Variants in AFF4 observed in about 807,000 individuals in gnomAD.
AFF4 encodes AF4/FMR2 family member 4.
AFF4 carries 13 observed loss-of-function variants against 124.8 expected under a neutral mutation model. The ratio of observed to expected loss-of-function variants is 0.10; its 90% CI spans 0.07 to 0.17. The LOEUF is 0.17. Ranked by LOEUF, AFF4 falls within the 10% of genes least tolerant of loss-of-function variation. The probability of loss-of-function intolerance (pLI) is 1.00; values close to 1 mark genes in which losing one functional copy is unlikely to be tolerated. For missense variants in AFF4, 1,092 were observed against 1,403.8 expected, an observed-to-expected ratio of 0.78 and a Z score of 3.55; for synonymous variants, 477 against 496.1, an observed-to-expected ratio of 0.96 and a Z score of 0.51.
intron 5 of AFF4, among the ~76,000 whole-genome samples, chr5:132,907,072 T>C (rs142068629): frequency 6.6e-6 from 1 of 152,214 alleles, no homozygotes; most frequent in African/African-American, 2.4e-5. Flanking sequence ...TTGTCTTATA[T>C]CTGACAATAG....
Position 132,887,547 on chromosome 5 carries a change from A to G in AFF4, c.2979T>C (p.Ala993=), listed in dbSNP as rs998984215. The change falls in exon 17 of 21, where the codon GCT becomes GCC. Residue 993 remains alanine, a synonymous_variant. Transcript: ENST00000265343. ...AAAGTACTGTGAGTCGTTTATCTGC[A>G]GCTGTAGCATCTGGTGCCAAGTAAT... ...LKNYLAPDAT[A]ADKRLTVLCL... The G allele has an allele frequency of 4.3e-6, 7 of 1,614,068 alleles. No individual in the cohort carries two copies. Among genetic ancestry groups the G allele is most frequent in the Non-Finnish European group, 5.9e-6 (7 of 1,179,948 alleles).
At chr5:132,958,514 T>C (rs1388405351) in intron 1 of AFF4, among the ~76,000 whole-genome samples, 1 of 146,698 alleles carries the variant, frequency 6.8e-6, no homozygotes, top group Non-Finnish European at 1.5e-5. Context: ...ATGCAGAGAT[T>C]GAAAGGAAGT....
In AFF4 at chr5:132,934,536, GTGATTTGGAGTGTTC is replaced by G. The variant is rs761354943; in HGVS notation, c.514_528del (p.Glu172_Ser176del). On this transcript the variant is annotated inframe_deletion, in exon 3 of 21. Coordinates refer to ENST00000265343, the MANE Select transcript of AFF4 (RefSeq NM_014423.4). ...TGGGGTTTTCCAGGGCTGGAAGAAC[GTGATTTGGAGTGTTC>G]TGATCCATGCTGGCCTTTTTTCCGG... 2 of 1,614,126 alleles carry G rather than the reference GTGATTTGGAGTGTTC, an allele frequency of 1.2e-6. No homozygotes were observed. The highest frequency in any genetic ancestry group is 1.7e-6 in the Non-Finnish European group (2 of 1,180,030).
chr5:132,919,545 A>T (rs1272892299), intron 5 of AFF4, among the ~76,000 whole-genome samples: 1 of 152,262 alleles, frequency 6.6e-6, no homozygotes, highest in East Asian at 1.9e-4. Flanking sequence ...TGTAAAACCT[A>T]AAACTATAAA....
At chr5:132,893,744 C>G (rs1036857249) in intron 11 of AFF4, among the ~76,000 whole-genome samples, 6 of 152,168 alleles carry the variant, frequency 3.9e-5, no homozygotes, top group African/African-American at 1.2e-4. Flanking sequence ...TCCCAAAGTG[C>G]TGGGATTACA....
intron 2 of AFF4, among the ~76,000 whole-genome samples, chr5:132,936,263 T>G: frequency 1.8e-5 from 1 of 56,874 alleles, no homozygotes; most frequent in Non-Finnish European, 3.0e-5. Flanking sequence ...CAAGACTCCG[T>G]CTCAAAAAAA....
chr5:132,937,161 C>G lies in AFF4; in HGVS notation c.29G>C (p.Arg10Pro). MNREDRNVL[R>P]MKERERRNQE... ...ATTCCGCCTTTCCCGTTCTTTCATACGCAGCACATTCCGGTCTTCACGGTT... is the reference window on the plus strand; with the variant it reads ...ATTCCGCCTTTCCCGTTCTTTCATAGGCAGCACATTCCGGTCTTCACGGTT... The change falls in exon 2 of 21, where the codon CGT becomes CCT. Residue 10 changes from arginine (R) to proline (P), a missense_variant. This residue lies in a region of AFF4 where 46 missense variants were observed against 49.0 expected (regional missense o/e 0.94). Coordinates refer to ENST00000265343, the MANE Select transcript of AFF4 (RefSeq NM_014423.4). 1 of 1,613,864 alleles carries G rather than the reference C, an allele frequency of 6.2e-7. No individual in the cohort carries two copies. The highest frequency in any genetic ancestry group is 1.7e-5 in the Admixed American group (1 of 60,016).
intron 5 of AFF4, among the ~76,000 whole-genome samples, chr5:132,912,843 GACAC>G (rs1268738346): frequency 2.1e-5 from 3 of 144,970 alleles, no homozygotes; most frequent in African/African-American, 7.9e-5. Flanking sequence ...GATAGAGGCT[GACAC>G]ACACACAACA....
chr5:132,960,998 T>A (rs963935256), intron 1 of AFF4, among the ~76,000 whole-genome samples: 2 of 152,024 alleles, frequency 1.3e-5, no homozygotes, highest in Non-Finnish European at 2.9e-5. Flanking sequence ...CCGAGGCGTG[T>A]GGATCACGAG....
chr5:132,937,027 A>T, intron 2 of AFF4, 40 bp downstream of exon 2: 1 of 1,571,668 alleles, frequency 6.4e-7, no homozygotes. Context: ...CAAAAATGTC[A>T]TGCTAATGGG....
At chr5:132,948,163 G>A (rs1472765372) in intron 1 of AFF4, among the ~76,000 whole-genome samples, 1 of 151,924 alleles carries the variant, frequency 6.6e-6, no homozygotes, top group Non-Finnish European at 1.5e-5. Context: ...CAATTCTCGT[G>A]CCTCAGCCTC....
chr5:132,892,473 T>C, intron 12 of AFF4, 69 bp from the exon 13 acceptor site: 1 of 1,526,058 alleles, frequency 6.6e-7, no homozygotes, highest in South Asian at 1.3e-5. Flanking sequence ...TTTCCATTTC[T>C]CTTTGTCTGC....
intron 5 of AFF4, among the ~76,000 whole-genome samples, chr5:132,906,012 T>C (rs1482356242): frequency 6.6e-6 from 1 of 152,120 alleles, no homozygotes; most frequent in Non-Finnish European, 1.5e-5. Flanking sequence ...AAATGGCCAA[T>C]AAGCAGATGA....
At chr5:132,893,222 A>G in intron 11 of AFF4, 104 bp from the exon 12 acceptor site, 1 of 911,838 alleles carries the variant, frequency 1.1e-6, no homozygotes. Flanking sequence ...CATCAGAAAG[A>G]AGATAAAAGA....
chr5:132,954,165 A>C (rs1369806944), intron 1 of AFF4, among the ~76,000 whole-genome samples: 2 of 152,138 alleles, frequency 1.3e-5, no homozygotes, highest in African/African-American at 2.4e-5. Context: ...CACAGACGAC[A>C]ATTTTTCCAT....
At chr5:132,934,988 G>A (rs769120223) in intron 2 of AFF4, 47 bp from the exon 3 acceptor site, 4 of 1,392,780 alleles carry the variant, frequency 2.9e-6, no homozygotes, top group Middle Eastern at 2.6e-4. Context: ...AGCATAATCA[G>A]AAATAAAATA....
chr5:132,883,735 A>C lies in AFF4; in HGVS notation c.3144-175T>G, dbSNP rs571775248. ...TAAGTACTATAATCTTGTAATTCAT[A>C]ATCTTGTTATCTTAGAATCTGTAGC... On this transcript the variant is annotated intron_variant, in intron 19 of 20. Transcript: ENST00000265343. 5.9e-5 allele frequency among the ~76,000 whole-genome samples: 9 copies of C among 152,350 alleles called. No individual in the cohort carries two copies. The East Asian group carries it at 1.5e-3, about 26-fold the overall frequency.
At chr5:132,954,518 C>T (rs1761909909) in intron 1 of AFF4, among the ~76,000 whole-genome samples, 3 of 151,248 alleles carry the variant, frequency 2.0e-5, no homozygotes, top group African/African-American at 7.3e-5. Context: ...CTCTGGAGCC[C>T]CAGAGGGTGT....
At chr5:132,926,233 G>A (rs1317482756) in intron 5 of AFF4, 1 of 486,460 alleles carries the variant, frequency 2.1e-6, no homozygotes, top group African/African-American at 2.0e-5. Flanking sequence ...AAGGAGCTCT[G>A]TTGGGATGAA....
Sources: gnomAD v4.1 joint callset for allele counts (sites outside exome capture counted in the v4.1 genomes callset) on GRCh38, gnomAD v4.1.1 for gene constraint, gnomAD v4.1.1 regional missense constraint, MANE v1.5 for transcripts, NCBI Gene and HGNC (gene_info 2026-07-23, HGNC 2026-07-21) for gene names.